The following HAO2 variants were observed in gnomAD, a reference collection of about 807,000 sequenced individuals.
HAO2 encodes the protein hydroxyacid oxidase 2.
HAO2 carries 42 observed loss-of-function variants against 37.4 expected under a neutral mutation model. The observed-to-expected ratio is 1.12, with a 90% confidence interval of 0.88 to 1.45. HAO2 has a LOEUF of 1.45. HAO2 is among the 40% of genes most tolerant of loss of function. The pLI is 0.00. For missense variants in HAO2, 476 were observed against 430.2 expected, an observed-to-expected ratio of 1.11 and a Z score of -0.94; for synonymous variants, 180 against 162.8, an observed-to-expected ratio of 1.11 and a Z score of -0.81.
intron 1 of HAO2, chr1:119,370,231 G>A (rs1478251921): frequency 6.6e-6 from 1 of 152,222 alleles, no homozygotes; most frequent in African/African-American, 2.4e-5. Context: ...ACAGAGCCAT[G>A]CCTGTATTTA....
At chr1:119,375,900 C>A (rs187687179) in intron 1 of HAO2, among the ~76,000 whole-genome samples, 1 of 152,226 alleles carries the variant, frequency 6.6e-6, no homozygotes, top group South Asian at 2.1e-4. Context: ...CCCACCAGGA[C>A]CCTCCTATGA....
At chr1:119,370,460 T>C (rs1458634552) in intron 1 of HAO2, 2 of 152,188 alleles carry the variant, frequency 1.3e-5, no homozygotes, top group Non-Finnish European at 2.9e-5. Flanking sequence ...ATAATGAACA[T>C]GGAGCTGCCT....
intron 1 of HAO2, among the ~76,000 whole-genome samples, chr1:119,376,786 A>C (rs1232452822): frequency 1.3e-5 from 2 of 152,224 alleles, no homozygotes; most frequent in Non-Finnish European, 2.9e-5. Flanking sequence ...CTGAAGCTAC[A>C]ATCTGAGCTG....
At chr1:119,392,021 C>A in intron 5 of HAO2, 89 bp from the exon 6 acceptor site, 1 of 1,190,408 alleles carries the variant, frequency 8.4e-7, no homozygotes, top group Non-Finnish European at 1.2e-6. Context: ...GGCGTCTCCT[C>A]AGCTTGGTTT....
rs138694871 is a variant in HAO2 at position 119,375,572 on chromosome 1, A to G, written c.-8-5506A>G. Among the ~76,000 whole-genome samples, 261 of 152,330 alleles carry G rather than the reference A, an allele frequency of 1.7e-3. 1 individual carries two copies. Among genetic ancestry groups the G allele is most frequent in the Admixed American group, 4.5e-3 (69 of 15,296 alleles). ...CTATCTTTAGAAGCTACCAGGACAC[A>G]TGAGTTCAGAACCATCTCTCATAAT... On this transcript the variant is annotated intron_variant, in intron 1 of 7. Coordinates refer to ENST00000325945, the MANE Select transcript of HAO2 (RefSeq NM_016527.4).
At position 119,393,837 on chromosome 1, in the gene HAO2, G is replaced by A. The variant is rs1479192350; in HGVS notation, c.1053G>A (p.Leu351=). The change falls in exon 8 of 8, where the codon CTG becomes CTA. Residue 351 remains leucine (L), a synonymous_variant. Coordinates refer to ENST00000325945, the MANE Select transcript of HAO2 (RefSeq NM_016527.4). Reference sequence around the variant, plus strand: ...GAAACTTGGTCCAGTTTTCCAGGCTGTAAGAAAAAAGGGCCAATAACCAGA... The same window carrying A: ...GAAACTTGGTCCAGTTTTCCAGGCTATAAGAAAAAAGGGCCAATAACCAGA... ...INRNLVQFSR[L] is the part of the protein sequence containing the mutation. The A allele has an allele frequency of 1.9e-6, 3 of 1,612,854 alleles. No individual in the cohort carries two copies. The highest frequency in any genetic ancestry group is 2.5e-6 in the Non-Finnish European group (3 of 1,179,192).
chr1:119,377,586 T>A (rs780349320), intron 1 of HAO2, among the ~76,000 whole-genome samples: 48 of 152,328 alleles, frequency 3.2e-4, no homozygotes, highest in Admixed American at 7.2e-4. Flanking sequence ...ACTGTATTAG[T>A]CCATTTTCAT....
At chr1:119,373,122 C>G (rs1649166908) in intron 1 of HAO2, among the ~76,000 whole-genome samples, 1 of 152,230 alleles carries the variant, frequency 6.6e-6, no homozygotes, top group Admixed American at 6.5e-5. Context: ...GCCTGCCTCT[C>G]AGGCTGCCAC....
intron 5 of HAO2, among the ~76,000 whole-genome samples, chr1:119,388,501 T>C (rs1308557703): frequency 2.0e-5 from 3 of 152,324 alleles, no homozygotes; most frequent in South Asian, 2.1e-4. Flanking sequence ...TCCTATCTTA[T>C]TGTGCTAATC....
At chr1:119,374,089 A>T (rs182234529) in intron 1 of HAO2, among the ~76,000 whole-genome samples, 48 of 152,258 alleles carry the variant, frequency 3.2e-4, no homozygotes, top group African/African-American at 1.1e-3. Context: ...AATGTTAGAA[A>T]CACTCAGTTC....
At chr1:119,383,132 G>A (rs1419908633) in intron 3 of HAO2, 66 bp downstream of exon 3, 7 of 1,203,844 alleles carry the variant, frequency 5.8e-6, no homozygotes, top group Non-Finnish European at 8.4e-6. Context: ...AGTGGCAGAG[G>A]CTCCAAGATT....
chr1:119,377,097 G>A (rs1251886192), intron 1 of HAO2, among the ~76,000 whole-genome samples: 1 of 152,104 alleles, frequency 6.6e-6, no homozygotes, highest in East Asian at 1.9e-4. Context: ...ATTATGCTCT[G>A]CTCCCCTTTT....
chr1:119,392,556 G>A, intron 6 of HAO2, 62 bp from the exon 7 acceptor site: 2 of 1,059,114 alleles, frequency 1.9e-6, no homozygotes, highest in Non-Finnish European at 3.0e-6. Flanking sequence ...ATTTATACTA[G>A]TGGATGGTCA....
At chr1:119,380,947 G>A in intron 1 of HAO2, 131 bp from the exon 2 acceptor site, 1 of 819,846 alleles carries the variant, frequency 1.2e-6, no homozygotes, top group Non-Finnish European at 2.0e-6. Context: ...CAATAACTCT[G>A]TTAAGATAAG....
intron 3 of HAO2, 119 bp from the exon 4 acceptor site, chr1:119,384,657 A>G (rs752720039): frequency 7.2e-5 from 56 of 772,886 alleles, no homozygotes; most frequent in Non-Finnish European, 1.0e-4. Context: ...GCAGAATGAA[A>G]TTAAGCTTTA....
chr1:119,380,758 CTT>C, intron 1 of HAO2: 1 of 1,429,396 alleles, frequency 7.0e-7, no homozygotes, highest in Non-Finnish European at 9.9e-7. Context: ...TTGTAATAAG[CTT>C]TTAAGAAGTG....
intron 3 of HAO2, among the ~76,000 whole-genome samples, chr1:119,384,552 G>C (rs587754928): frequency 9.2e-5 from 14 of 152,336 alleles, no homozygotes; most frequent in Admixed American, 3.9e-4. Flanking sequence ...TTATCGAGTA[G>C]AGGGTTTGTA....
In HAO2 at chr1:119,393,985, C is replaced by G; in HGVS notation, c.*145C>G. On this transcript the variant is annotated 3_prime_UTR_variant, in exon 8 of 8. Coordinates refer to ENST00000325945, the MANE Select transcript of HAO2 (RefSeq NM_016527.4). ...TTTCCCACATTTCTAATACCACCAC[C>G]CCTGTGCTTCAGGCCCTCCAAACCC... The G allele has an allele frequency of 1.3e-6, 2 of 1,497,288 alleles. No homozygotes were observed. The highest frequency in any genetic ancestry group is 2.5e-5 in the South Asian group (2 of 78,934). The allele number at this position is 1,497,288 out of a possible 1,614,324, so 92.8% of individuals were successfully genotyped here.
chr1:119,388,567 AG>A (rs1650574383), intron 5 of HAO2, among the ~76,000 whole-genome samples: 1 of 152,174 alleles, frequency 6.6e-6, no homozygotes, highest in Admixed American at 6.5e-5. Flanking sequence ...GTTCACTTGG[AG>A]ACAGCACAAA....
Sources: allele counts gnomAD v4.1 joint callset (sites outside exome capture counted in the v4.1 genomes callset), GRCh38; gene constraint gnomAD v4.1.1; transcripts MANE v1.5; gene names NCBI Gene and HGNC (gene_info 2026-07-23, HGNC 2026-07-21).